Variants in SON observed in about 807,000 individuals in gnomAD.
SON encodes protein SON.
Under a neutral mutation model 173.3 loss-of-function variants are expected in SON, and 4 were observed. The observed-to-expected ratio is 0.02, with a 90% CI of 0.01 to 0.05. SON has a LOEUF of 0.05. Ranked by LOEUF, SON falls within the 10% of genes least tolerant of loss-of-function variation. SON has a pLI of 1.00. For missense variants in SON, 2,626 were observed against 3,055.3 expected, an observed-to-expected ratio of 0.86 and a Z score of 3.31; for synonymous variants, 1,190 against 1,105.9, an observed-to-expected ratio of 1.08 and a Z score of -1.51.
At chr21:33,557,677 A>G in intron 4 of SON, 1 of 1,494,752 alleles carries the variant, frequency 6.7e-7, no homozygotes, top group Non-Finnish European at 8.9e-7. Flanking sequence ...CCACGAGTAT[A>G]CTGCATATAC....
At chr21:33,571,177 C>G (rs140353453) in intron 8 of SON, among the ~76,000 whole-genome samples, 108 of 152,124 alleles carry the variant, frequency 7.1e-4, no homozygotes, top group African/African-American at 2.5e-3. Flanking sequence ...GGAAAAGATT[C>G]ATTTGTATAG....
In SON at chr21:33,559,762, A is replaced by G. The variant is rs764493458; in HGVS notation, c.6644A>G (p.Asn2215Ser). The G allele has an allele frequency of 2.1e-5, 34 of 1,613,660 alleles. No homozygotes were observed. Among genetic ancestry groups the G allele is most frequent in the Middle Eastern group, 1.6e-4 (1 of 6,084 alleles). ...GATGATGATAATGTTTTCAGCAGCAATTTGCCCTCAGAGGTAAGTAGGAGG... is the reference window on the plus strand; with the variant it reads ...GATGATGATAATGTTTTCAGCAGCAGTTTGCCCTCAGAGGTAAGTAGGAGG... ...NKDDDNVFSS[N>S]LPSEPVDIST... Residue 2215 changes from asparagine to serine, a missense_variant, in exon 6 of 12, where the codon AAT becomes AGT. Asn to Ser is a conservative substitution (Grantham distance 46). This residue lies in a region of SON where 75 missense variants were observed against 201.6 expected (regional missense o/e 0.37). Transcript: ENST00000356577. This position sits in a 1 kb window ranked among gnomAD's most constrained non-coding sequence, Gnocchi z 4.1.
intron 7 of SON, 34 bp downstream of exon 7, chr21:33,567,301 T>A: frequency 8.2e-7 from 1 of 1,221,852 alleles, no homozygotes; most frequent in Non-Finnish European, 1.2e-6. Flanking sequence ...AATTATTATT[T>A]ACCATCAGCC....
rs2085615281 is a variant in SON at position 33,546,301 on chromosome 21, C to A, written c.166C>A (p.Leu56Ile). 2 of 1,613,602 alleles carry A rather than the reference C, an allele frequency of 1.2e-6. No individual in the cohort carries two copies. Among genetic ancestry groups the A allele is most frequent in the East Asian group, 2.2e-5 (1 of 44,850 alleles). Residue 56 changes from leucine to isoleucine, a missense_variant, in exon 2 of 12, where the codon CTA (leucine) becomes ATA (isoleucine). By Grantham distance (5) the Leu-to-Ile change is conservative. Coordinates refer to ENST00000356577, the MANE Select transcript of SON (RefSeq NM_138927.4). Reference protein sequence around the residue: ...AGDAAASARSLPNEEIVQKIE... With the variant: ...AGDAAASARSIPNEEIVQKIE... ...TGATGCAGCTGCCTCTGCCAGGAGT[C>A]TACCAAATGAAGAAATAGTGCAGAA...
chr21:33,568,410 C>G (rs977947767), intron 7 of SON, among the ~76,000 whole-genome samples: 1 of 152,144 alleles, frequency 6.6e-6, no homozygotes, highest in Non-Finnish European at 1.5e-5. Context: ...GCAGGAGAAT[C>G]GCTTGAACTC....
rs146761341 is a variant in SON at position 33,575,390 on chromosome 21, C to T, written c.7034-206C>T. The stretch of plus-strand genomic sequence containing the variant: ...TTGGTATTTATTACAATTTCTCATA[C>T]CAAGATCTATGAATATTAAATATAA... On this transcript the variant is annotated intron_variant, in intron 9 of 11. Transcript: ENST00000356577. 5.7e-4 allele frequency: 252 copies of T among 441,608 alleles called. 2 individuals are homozygous for T. The highest frequency in any genetic ancestry group is 4.7e-3 in the African/African-American group (233 of 49,406). The allele number at this position is 441,608 out of a possible 1,614,324, so 27.4% of individuals were successfully genotyped here.
At chr21:33,546,133 A>G (rs2085608024) in intron 1 of SON, 80 bp from the exon 2 acceptor site, 1 of 1,212,344 alleles carries the variant, frequency 8.2e-7, no homozygotes, top group Non-Finnish European at 1.2e-6. Flanking sequence ...AGTACAACAT[A>G]TGATTATTGT....
chr21:33,559,557 G>A lies in SON; in HGVS notation c.6469-30G>A, dbSNP rs1479088252. On this transcript the variant is annotated intron_variant, in intron 5 of 11. Transcript: ENST00000356577. The surrounding 1 kb of genome is among the most constrained non-coding windows in gnomAD (Gnocchi z 4.1). ...CCATTTAATGTAGATATCATATTGA[G>A]CTTTAATTAAGAAACACTTTATTTT... 1.0e-5 allele frequency: 16 copies of A among 1,584,372 alleles called. No homozygotes were observed. The highest frequency in any genetic ancestry group is 1.4e-5 in the Non-Finnish European group (16 of 1,164,738).
Position 33,552,255 on chromosome 21 carries a change from C to A in SON, c.3024C>A (p.Ser1008=). 13 of 1,614,144 alleles carry A rather than the reference C, an allele frequency of 8.1e-6. No individual in the cohort carries two copies. The highest frequency in any genetic ancestry group is 1.1e-5 in the Non-Finnish European group (13 of 1,180,008). ...SMMMSYAAER[S]MMSSYERSMM... is the part of the protein sequence containing the mutation. ...TGATGTCCTATGCTGCAGAACGTTC[C>A]ATGATGTCATCTTACGAACGCTCTA... The change falls in exon 3 of 12, where the codon TCC becomes TCA. Residue 1008 remains serine, a synonymous_variant. Coordinates refer to ENST00000356577, the MANE Select transcript of SON (RefSeq NM_138927.4). The surrounding 1 kb of genome is among the most constrained non-coding windows in gnomAD (Gnocchi z 5.6).
chr21:33,572,768 GT>G (rs78936304), intron 8 of SON: 12,848 of 231,558 alleles, frequency 0.055, 751 homozygotes, highest in African/African-American at 0.2. Flanking sequence ...AATTTCAAGA[GT>G]TTTTTTTTTT....
chr21:33,555,058 G>C lies in SON; in HGVS notation c.5827G>C (p.Val1943Leu). The C allele has an allele frequency of 6.2e-7, 1 of 1,610,740 alleles. No homozygotes were observed. Residue 1943 changes from valine (V) to leucine (L), a missense_variant, in exon 3 of 12, where the codon GTG (valine) becomes CTG (leucine). By Grantham distance (32) the Val-to-Leu change is conservative (BLOSUM62 1). Coordinates refer to ENST00000356577, the MANE Select transcript of SON (RefSeq NM_138927.4). ...AAGTCGTCGACGAAGGTCTAGATCT[G>C]TGGGTAGAAGAAGGAGCTTTAGCAT... ...TPSRRRRSRS[V>L]GRRRSFSISP...
In SON at chr21:33,553,922, A is replaced by G. The variant is rs756285836; in HGVS notation, c.4691A>G (p.Glu1564Gly). The G allele has an allele frequency of 6.2e-7, 1 of 1,614,136 alleles. No individual in the cohort carries two copies. Among genetic ancestry groups the G allele is most frequent in the Non-Finnish European group, 8.5e-7 (1 of 1,180,012 alleles). ...AGTCCTGTTGGGGAAATTGGTGAAG[A>G]GAAAATTTTGCCCACCAGTGAGACT... Reference protein sequence around the residue: ...GTSPVGEIGEEKILPTSETKQ... With the variant: ...GTSPVGEIGEGKILPTSETKQ... The change falls in exon 3 of 12, where the codon GAG becomes GGG. Residue 1564 changes from glutamate (E) to glycine (G), a missense_variant. Glu to Gly is a moderately conservative substitution (Grantham distance 98). Transcript: ENST00000356577.
At chr21:33,570,785 C>T (rs2086267686) in intron 8 of SON, among the ~76,000 whole-genome samples, 1 of 152,162 alleles carries the variant, frequency 6.6e-6, no homozygotes, top group Non-Finnish European at 1.5e-5. Flanking sequence ...AAAATAGGCA[C>T]ATAATACAGA....
chr21:33,549,913 C>G lies in SON; in HGVS notation c.682C>G (p.Gln228Glu). ...STSVISEQSE[Q>E]SVAVMPEPSM... ...ATCAGTAATCTCAGAGCAGTCAGAG[C>G]AGTCTGTGGCAGTAATGCCAGAACC... is the stretch of plus-strand genomic sequence containing the variant. Residue 228 changes from glutamine to glutamate, a missense_variant, in exon 3 of 12, where the codon CAG becomes GAG. Physicochemically the swap from Gln to Glu is conservative, Grantham distance 29. Around this residue, in one of 13 missense-constraint regions of SON, gnomAD observed 757 missense variants for 730.1 expected, o/e 1.04. Coordinates refer to ENST00000356577, the MANE Select transcript of SON (RefSeq NM_138927.4). 2 of 1,614,166 alleles carry G rather than the reference C, an allele frequency of 1.2e-6. No individual in the cohort carries two copies. The highest frequency in any genetic ancestry group is 1.7e-6 in the Non-Finnish European group (2 of 1,180,008).
rs2086037175 is a variant in SON at position 33,559,798 on chromosome 21, A to G, written c.6657+23A>G. ...GAGGTAAGTAGGAGGAATATTATGT[A>G]TTTTTCCTTTTTTATACCTGAATCT... On this transcript the variant is annotated intron_variant, in intron 6 of 11. Coordinates refer to ENST00000356577, the MANE Select transcript of SON (RefSeq NM_138927.4). This position sits in a 1 kb window ranked among gnomAD's most constrained non-coding sequence, Gnocchi z 4.1. 1 of 1,608,376 alleles carries G rather than the reference A, an allele frequency of 6.2e-7. No homozygotes were observed. Among genetic ancestry groups the G allele is most frequent in the South Asian group, 1.1e-5 (1 of 90,794 alleles).
At chr21:33,566,295 C>T (rs1400132437) in intron 6 of SON, among the ~76,000 whole-genome samples, 2 of 151,848 alleles carry the variant, frequency 1.3e-5, no homozygotes, top group Non-Finnish European at 2.9e-5. Context: ...TCAACTCGAG[C>T]TTTTAATTTT....
chr21:33,546,438 G>A (rs2085618734), intron 2 of SON, 59 bp downstream of exon 2: 19 of 1,375,804 alleles, frequency 1.4e-5, no homozygotes, highest in Non-Finnish European at 1.6e-5. Context: ...TTTGAAATTT[G>A]AAGGTTAATG....
At chr21:33,569,784 A>T (rs772895575) in intron 8 of SON, 2 of 274,836 alleles carry the variant, frequency 7.3e-6, no homozygotes, top group South Asian at 3.0e-5. Context: ...AGGGGATGGG[A>T]TGGAGATTAA....
In SON at chr21:33,561,262, C is replaced by T. The variant is rs545589885; in HGVS notation, c.6657+1487C>T. On this transcript the variant is annotated intron_variant, in intron 6 of 11. Transcript: ENST00000356577. ...TAGTGAGACCATTTGAGTTGTTAATCCCCCAATCAGGCTACCTGCATATCT... is the reference window on the plus strand; with the variant it reads ...TAGTGAGACCATTTGAGTTGTTAATTCCCCAATCAGGCTACCTGCATATCT... Among the ~76,000 whole-genome samples the T allele has an allele frequency of 2.6e-5, 4 of 152,206 alleles. No homozygotes were observed. In the East Asian group the frequency reaches 5.8e-4, roughly 22 times the overall value.
Sources: gnomAD v4.1 joint callset for allele counts (sites outside exome capture counted in the v4.1 genomes callset) on GRCh38, gnomAD v4.1.1 for gene constraint, gnomAD v4.1.1 regional missense constraint, Gnocchi (gnomAD v3.1) non-coding constraint, MANE v1.5 for transcripts, NCBI Gene and HGNC (gene_info 2026-07-23, HGNC 2026-07-21) for gene names.